The following KANK1 variants were observed in gnomAD, a reference collection of about 807,000 sequenced individuals.
KANK1 encodes the protein KN motif and ankyrin repeat domains 1, also known as KN motif and ankyrin repeat domain-containing protein 1.
A neutral mutation model predicts 106.2 loss-of-function variants in KANK1; 109 were observed. The observed-to-expected ratio is 1.03, with a 90% confidence interval of 0.88 to 1.20. The LOEUF is 1.20. KANK1 is among the 50% of genes most tolerant of loss of function. The pLI is 0.00. For synonymous variants in KANK1, 873 were observed against 652.2 expected (o/e 1.34, Z -5.16); for missense variants, 2,399 against 1,710.7 (o/e 1.40, Z -7.10).
chr9:626,415 C>T (rs1227739482), intron 1 of KANK1, among the ~76,000 whole-genome samples: 2 of 151,900 alleles, frequency 1.3e-5, no homozygotes, highest in Admixed American at 6.6e-5. Flanking sequence ...GGTGACAGAG[C>T]GAGACTCCAT....
intron 1 of KANK1, among the ~76,000 whole-genome samples, chr9:640,454 A>G (rs1379020478): frequency 6.6e-6 from 1 of 150,908 alleles, no homozygotes; most frequent in African/African-American, 2.4e-5. Flanking sequence ...CTGGAGTGCA[A>G]TGGTGTAATC....
In KANK1 at chr9:642,296, GT is replaced by G. The variant is rs931119907; in HGVS notation, c.-83-34590del. Among the ~76,000 whole-genome samples the G allele has an allele frequency of 3.3e-5, 5 of 150,824 alleles. 1 individual carries two copies. Among genetic ancestry groups the G allele is most frequent in the African/African-American group, 1.2e-4 (5 of 40,160 alleles). ...TGCGTGGTTAAGTTACCCCATTTGT[GT>G]TTTACAAAGATAGCGGAAGGGAATA... is the stretch of plus-strand genomic sequence containing the variant. On this transcript the variant is annotated intron_variant, in intron 1 of 11. Transcript: ENST00000382297.
At chr9:590,604 CA>C (rs1198771728) in intron 1 of KANK1, among the ~76,000 whole-genome samples, 2 of 148,602 alleles carry the variant, frequency 1.3e-5, no homozygotes, top group Non-Finnish European at 2.9e-5. Context: ...GTAACTTTAC[CA>C]CCATTAAATA....
intron 1 of KANK1, chr9:660,265 G>T: frequency 4.2e-6 from 1 of 237,710 alleles, no homozygotes; most frequent in Non-Finnish European, 9.3e-6. Flanking sequence ...AAGAACATGT[G>T]CCAGTTCCTC....
chr9:547,575 C>G (rs2061009363), intron 1 of KANK1, among the ~76,000 whole-genome samples: 1 of 151,404 alleles, frequency 6.6e-6, no homozygotes. Context: ...GATAGGCAAG[C>G]CTTGGTTGTG....
chr9:684,284 G>T (rs920540542), intron 2 of KANK1: 1 of 985,292 alleles, frequency 1.0e-6, no homozygotes, highest in African/African-American at 1.7e-5. Flanking sequence ...GTGAGTACCA[G>T]CCTATTTGAG....
At chr9:574,358 T>C (rs1301328910) in intron 1 of KANK1, among the ~76,000 whole-genome samples, 1 of 151,366 alleles carries the variant, frequency 6.6e-6, no homozygotes, top group Non-Finnish European at 1.5e-5. Flanking sequence ...CCTAGTTGAC[T>C]GGGGTGCTCT....
At chr9:662,717 A>T (rs1843622217) in intron 1 of KANK1, among the ~76,000 whole-genome samples, 1 of 145,374 alleles carries the variant, frequency 6.9e-6, no homozygotes, top group Admixed American at 7.3e-5. Flanking sequence ...GCTGGAGTGC[A>T]GTGGCGCGAT....
chr9:526,409 T>C (rs947137700), intron 1 of KANK1, among the ~76,000 whole-genome samples: 2 of 151,664 alleles, frequency 1.3e-5, no homozygotes, highest in African/African-American at 4.9e-5. Context: ...CCCTTGAATA[T>C]TGGCTCTAGG....
At chr9:625,490 T>C (rs1020928787) in intron 1 of KANK1, among the ~76,000 whole-genome samples, 6 of 152,200 alleles carry the variant, frequency 3.9e-5, no homozygotes, top group Non-Finnish European at 8.8e-5. Context: ...TCTTTTCTCT[T>C]AATCTACAGG....
chr9:556,082 C>G (rs7031553), intron 1 of KANK1, among the ~76,000 whole-genome samples: 69,853 of 152,058 alleles, frequency 0.46, 19,986 homozygotes, highest in African/African-American at 0.78. Context: ...TCTTTCTCTA[C>G]AGTCTGTTTT....
intron 3 of KANK1, among the ~76,000 whole-genome samples, chr9:480,363 G>A (rs892034271): frequency 3.3e-5 from 5 of 152,196 alleles, no homozygotes; most frequent in Non-Finnish European, 5.9e-5. Context: ...AGGTGGACAC[G>A]TGCAGCCCTT....
chr9:657,882 G>A (rs1204355715), intron 1 of KANK1, among the ~76,000 whole-genome samples: 2 of 151,894 alleles, frequency 1.3e-5, no homozygotes, highest in African/African-American at 4.8e-5. Flanking sequence ...TGTTTTCTTG[G>A]TGGTGGTGGT....
At chr9:666,628 G>A (rs1321094776) in intron 1 of KANK1, among the ~76,000 whole-genome samples, 1 of 151,990 alleles carries the variant, frequency 6.6e-6, no homozygotes, top group Non-Finnish European at 1.5e-5. Flanking sequence ...TCTGTACCCG[G>A]TTTGTTGAGG....
intron 1 of KANK1, among the ~76,000 whole-genome samples, chr9:530,383 A>G (rs2060002175): frequency 6.6e-6 from 1 of 152,114 alleles, no homozygotes; most frequent in Admixed American, 6.5e-5. Flanking sequence ...TTATTTATCC[A>G]TATTGAATTT....
chr9:622,473 G>C (rs924214627), intron 1 of KANK1, among the ~76,000 whole-genome samples: 1 of 152,150 alleles, frequency 6.6e-6, no homozygotes, highest in Non-Finnish European at 1.5e-5. Context: ...TCCTGACAAG[G>C]GTGCCAAGAA....
intron 1 of KANK1, among the ~76,000 whole-genome samples, chr9:672,627 A>G (rs1413918398): frequency 6.6e-6 from 1 of 152,206 alleles, no homozygotes; most frequent in Non-Finnish European, 1.5e-5. Flanking sequence ...AGTATATATC[A>G]AATCTCAATT....
At chr9:634,572 A>G (rs960058951) in intron 1 of KANK1, among the ~76,000 whole-genome samples, 2 of 152,154 alleles carry the variant, frequency 1.3e-5, no homozygotes, top group African/African-American at 2.4e-5. Context: ...GGCCCCTCCC[A>G]TTATTCTAGT....
chr9:724,747 A>G (rs534789531), intron 3 of KANK1, among the ~76,000 whole-genome samples: 4 of 152,194 alleles, frequency 2.6e-5, no homozygotes, highest in Non-Finnish European at 2.9e-5. Flanking sequence ...GGTTGCAGTG[A>G]GCAGAGATCG....
Sources: allele counts gnomAD v4.1 joint callset (sites outside exome capture counted in the v4.1 genomes callset), GRCh38; gene constraint gnomAD v4.1.1; transcripts MANE v1.5; gene names NCBI Gene and HGNC (gene_info 2026-07-23, HGNC 2026-07-21).